The following VCL variants were observed in gnomAD, a reference collection of about 807,000 sequenced individuals.
The protein encoded by VCL is epididymis luminal protein 114.
VCL carries 47 observed loss-of-function variants against 125.7 expected under a neutral mutation model. The ratio of observed to expected loss-of-function variants is 0.37; its 90% CI spans 0.30 to 0.48. The LOEUF is 0.48. VCL is among the 20% of genes least tolerant of loss of function. The pLI is 0.99. For missense variants in VCL, 1,069 were observed against 1,455.5 expected (o/e 0.73, Z 4.32); for synonymous variants, 458 against 514.6 (o/e 0.89, Z 1.49).
chr10:74,022,804 A>AT (rs568964943), intron 1 of VCL, among the ~76,000 whole-genome samples: 14 of 150,756 alleles, frequency 9.3e-5, no homozygotes, highest in Admixed American at 1.3e-4. Flanking sequence ...ACCCGGCTAA[A>AT]TTTTTTTTGT....
chr10:74,017,908 C>T (rs1840581946), intron 1 of VCL, among the ~76,000 whole-genome samples: 1 of 151,686 alleles, frequency 6.6e-6, no homozygotes, highest in African/African-American at 2.4e-5. Flanking sequence ...CCTGTAATCC[C>T]AGCACTTTGG....
At chr10:74,060,530 C>T (rs1841463479) in intron 2 of VCL, among the ~76,000 whole-genome samples, 2 of 151,506 alleles carry the variant, frequency 1.3e-5, no homozygotes, top group Admixed American at 1.3e-4. Context: ...GTGGCGCATT[C>T]CTGTAGTTCC....
intron 5 of VCL, 42 bp downstream of exon 5, chr10:74,072,894 T>G (rs774099068): frequency 3.7e-6 from 6 of 1,613,540 alleles, no homozygotes; most frequent in Non-Finnish European, 5.1e-6. Flanking sequence ...GGGAAAAATG[T>G]TAGCATGTTC....
chr10:74,091,809 A>G (rs1839891037), intron 10 of VCL, among the ~76,000 whole-genome samples: 1 of 150,112 alleles, frequency 6.7e-6, no homozygotes, highest in Non-Finnish European at 1.5e-5. Context: ...AAAAAAAAAA[A>G]AAAAAGAAAA....
intron 1 of VCL, among the ~76,000 whole-genome samples, chr10:74,008,176 G>A (rs1049852051): frequency 2.0e-5 from 3 of 152,036 alleles, no homozygotes; most frequent in Non-Finnish European, 2.9e-5. Context: ...AGGAATTATC[G>A]TACAGTGAAT....
At chr10:74,062,367 ATTT>A (rs34306365) in intron 2 of VCL, among the ~76,000 whole-genome samples, 3 of 113,938 alleles carry the variant, frequency 2.6e-5, no homozygotes, top group African/African-American at 3.4e-5. Flanking sequence ...GCCTGGCCTG[ATTT>A]TTTTTTTTTT....
In VCL at chr10:74,045,359, A is replaced by G. The variant is rs181523781; in HGVS notation, c.239+2206A>G. Among the ~76,000 whole-genome samples, 820 of 152,090 alleles carry G rather than the reference A, an allele frequency of 5.4e-3. 6 individuals carry two copies. Among genetic ancestry groups the G allele is most frequent in the African/African-American group, 8.0e-3 (331 of 41,476 alleles). On this transcript the variant is annotated intron_variant, in intron 2 of 21. Transcript: ENST00000211998. ...CAAAAATGGCCAGGTGTGGTGACTC[A>G]CACCTGTAATCCCAGTACTTTGGGA... is the stretch of plus-strand genomic sequence containing the variant.
rs1460475300 is a variant in VCL at position 74,059,073 on chromosome 10, A to G, written c.240-11597A>G. The stretch of plus-strand genomic sequence containing the variant: ...TCGCAACATTCCTAACCTCTTAGGT[A>G]AAAATGACTCCTCCAGGCCAGGCAC... On this transcript the variant is annotated intron_variant, in intron 2 of 21. Coordinates refer to ENST00000211998, the MANE Select transcript of VCL (RefSeq NM_014000.3). Among the ~76,000 whole-genome samples the G allele has an allele frequency of 3.9e-5, 6 of 152,188 alleles. 1 individual carries two copies. Among genetic ancestry groups the G allele is most frequent in the South Asian group, 4.1e-4 (2 of 4,830 alleles).
At chr10:74,030,392 C>T (rs1483449354) in intron 1 of VCL, among the ~76,000 whole-genome samples, 1 of 152,090 alleles carries the variant, frequency 6.6e-6, no homozygotes, top group Admixed American at 6.5e-5. Flanking sequence ...TGCACTTGGC[C>T]CATACACTGG....
chr10:74,064,674 C>T (rs998478866), intron 2 of VCL, among the ~76,000 whole-genome samples: 2 of 152,190 alleles, frequency 1.3e-5, no homozygotes, highest in African/African-American at 4.8e-5. Flanking sequence ...TTCCAAAGTA[C>T]TGGGATTACA....
At chr10:74,116,526 A>G (rs1379531745) in intron 21 of VCL, among the ~76,000 whole-genome samples, 1 of 152,114 alleles carries the variant, frequency 6.6e-6, no homozygotes, top group African/African-American at 2.4e-5. Flanking sequence ...TTCCAGTTTT[A>G]AAAAGGGTAG....
At chr10:74,031,385 T>G (rs80150903) in intron 1 of VCL, among the ~76,000 whole-genome samples, 3,951 of 152,286 alleles carry the variant, frequency 0.026, 60 homozygotes, top group Non-Finnish European at 0.04. Flanking sequence ...CTGTAGCCTA[T>G]CAGTATGCTT....
At chr10:74,107,518 G>T (rs1406054077) in intron 17 of VCL, among the ~76,000 whole-genome samples, 164 bp downstream of exon 17, 1 of 152,126 alleles carries the variant, frequency 6.6e-6, no homozygotes, top group Non-Finnish European at 1.5e-5. Flanking sequence ...TAAATCCAGT[G>T]GAGTTATAAC....
intron 6 of VCL, chr10:74,077,387 C>T (rs555409366): frequency 1.7e-4 from 26 of 152,082 alleles, no homozygotes; most frequent in Middle Eastern, 6.6e-3. Context: ...TTCCTCCTAA[C>T]CTGGTTCCCA....
At chr10:74,031,769 A>T (rs1253413109) in intron 1 of VCL, among the ~76,000 whole-genome samples, 1 of 151,984 alleles carries the variant, frequency 6.6e-6, no homozygotes, top group African/African-American at 2.4e-5. Flanking sequence ...AAATACTAAA[A>T]ATTAGCCGAG....
intron 1 of VCL, among the ~76,000 whole-genome samples, chr10:74,031,688 G>A (rs1591661472): frequency 6.6e-6 from 1 of 152,128 alleles, no homozygotes; most frequent in African/African-American, 2.4e-5. Flanking sequence ...GGGAGGCCCC[G>A]CAGGCAGATT....
rs770278621 is a variant in VCL at position 74,094,312 on chromosome 10, A to C, written c.1394A>C (p.Gln465Pro). The C allele has an allele frequency of 4.3e-6, 7 of 1,614,162 alleles. No individual in the cohort carries two copies. The Admixed American group carries it at 1.0e-4, about 23-fold the overall frequency. The change falls in exon 11 of 22, where the codon CAG becomes CCG. Residue 465 changes from glutamine to proline, a missense_variant. Physicochemically the swap from Gln to Pro is moderately conservative, Grantham distance 76. Coordinates refer to ENST00000211998, the MANE Select transcript of VCL (RefSeq NM_014000.3). ...CCAGAGGCTCGAGCCTTGGCCAAAC[A>C]GGTGGCCACGGCCCTGCAGAACCTG... ...DSPEARALAK[Q>P]VATALQNLQT...
chr10:74,012,597 G>A (rs954781251), intron 1 of VCL, among the ~76,000 whole-genome samples: 2 of 152,158 alleles, frequency 1.3e-5, no homozygotes, highest in African/African-American at 2.4e-5. Flanking sequence ...TGGTAGGGAC[G>A]TGGGGGAAGA....
intron 1 of VCL, among the ~76,000 whole-genome samples, chr10:74,004,584 G>T (rs1443867538): frequency 6.6e-6 from 1 of 152,150 alleles, no homozygotes; most frequent in Non-Finnish European, 1.5e-5. Flanking sequence ...TCCTGGGTCT[G>T]GCAACAGTAT....
Sources: allele counts gnomAD v4.1 joint callset (sites outside exome capture counted in the v4.1 genomes callset), GRCh38; gene constraint gnomAD v4.1.1; transcripts MANE v1.5; gene names NCBI Gene and HGNC (gene_info 2026-07-23, HGNC 2026-07-21).